The following TPRG1 variants were observed in gnomAD, a reference collection of about 807,000 sequenced individuals.
TPRG1 encodes tumor protein p63 regulated 1.
A neutral mutation model predicts 29.3 loss-of-function variants in TPRG1; 29 were observed. The ratio of observed to expected loss-of-function variants is 0.99; its 90% CI spans 0.74 to 1.35. The LOEUF is 1.35. Ranked by LOEUF, TPRG1 falls within the 40% of genes most tolerant of loss-of-function variation. The pLI, the probability that TPRG1 is intolerant of heterozygous loss-of-function variation, is 0.00. For synonymous variants in TPRG1, 130 were observed against 116.8 expected (o/e 1.11, Z -0.73); for missense variants, 327 against 335.0 (o/e 0.98, Z 0.19).
intron 5 of TPRG1, among the ~76,000 whole-genome samples, chr3:189,153,552 C>T (rs1470174191): frequency 6.6e-6 from 1 of 151,906 alleles, no homozygotes; most frequent in Non-Finnish European, 1.5e-5. Context: ...GGGGTGGTGT[C>T]ACTCCCCAAG....
chr3:189,063,478 C>T (rs1034346811), intron 4 of TPRG1, among the ~76,000 whole-genome samples: 2 of 151,846 alleles, frequency 1.3e-5, no homozygotes, highest in African/African-American at 4.8e-5. Flanking sequence ...TTCAAGTGCC[C>T]ATTTAACATT....
intron 4 of TPRG1, among the ~76,000 whole-genome samples, chr3:189,027,891 A>G (rs1044048555): frequency 5.3e-5 from 8 of 152,120 alleles, no homozygotes; most frequent in African/African-American, 1.9e-4. Flanking sequence ...ATGTGAAGGA[A>G]AAACTTATTA....
upstream of TPRG1, among the ~76,000 whole-genome samples, chr3:189,098,588 T>A (rs889240015): frequency 3.3e-5 from 5 of 152,132 alleles, no homozygotes; most frequent in Admixed American, 2.0e-4. Context: ...TCAGAGGTTT[T>A]TTTTTCCCAG....
chr3:189,076,923 C>CATATATATATATATATATATATATAT (rs150949911), intron 4 of TPRG1, among the ~76,000 whole-genome samples: 1 of 140,622 alleles, frequency 7.1e-6, no homozygotes, highest in African/African-American at 2.9e-5. Context: ...TATATGTGTA[C>CATATATATATATATATATATATATAT]ATATATATAT....
At chr3:189,179,552 A>G (rs1195324500) in intron 1 of TPRG1, among the ~76,000 whole-genome samples, 1 of 152,200 alleles carries the variant, frequency 6.6e-6, no homozygotes, top group Non-Finnish European at 1.5e-5. Flanking sequence ...TGCACACTAT[A>G]CAGATTATTG....
At chr3:189,301,222 C>T (rs989836351) in intron 4 of TPRG1, among the ~76,000 whole-genome samples, 5 of 145,766 alleles carry the variant, frequency 3.4e-5, no homozygotes, top group African/African-American at 1.3e-4. Context: ...TCACTTGAAC[C>T]TGGGAGGGAG....
intron 1 of TPRG1, among the ~76,000 whole-genome samples, chr3:189,174,524 G>A (rs1222839517): frequency 6.6e-6 from 1 of 152,128 alleles, no homozygotes; most frequent in Non-Finnish European, 1.5e-5. Context: ...TAGGTATTAG[G>A]ATTCCTTTCA....
At chr3:189,096,354 C>G (rs888050451), upstream of TPRG1, among the ~76,000 whole-genome samples, 4 of 152,184 alleles carry the variant, frequency 2.6e-5, no homozygotes, top group African/African-American at 7.2e-5. Context: ...TTCTCTCACC[C>G]CTCTTCTCTC....
At chr3:189,231,021 T>A (rs1043849530) in intron 3 of TPRG1, among the ~76,000 whole-genome samples, 2 of 152,138 alleles carry the variant, frequency 1.3e-5, no homozygotes, top group Non-Finnish European at 2.9e-5. Context: ...CAACTGATAC[T>A]CTCATGAGTT....
chr3:189,049,565 C>T (rs899068100), intron 4 of TPRG1, among the ~76,000 whole-genome samples: 7 of 152,130 alleles, frequency 4.6e-5, no homozygotes. Context: ...CCTATCCACA[C>T]AGGTAGCTGA....
intron 3 of TPRG1, among the ~76,000 whole-genome samples, chr3:189,133,516 A>G (rs1723347200): frequency 6.6e-6 from 1 of 152,138 alleles, no homozygotes; most frequent in African/African-American, 2.4e-5. Flanking sequence ...GTCTTGTGAT[A>G]GTTCTCACAA....
At chr3:189,094,185 T>G (rs1718525513) in intron 4 of TPRG1, among the ~76,000 whole-genome samples, 1 of 151,912 alleles carries the variant, frequency 6.6e-6, no homozygotes, top group South Asian at 2.1e-4. Context: ...GGGAACAGAG[T>G]GCTAAAACAC....
chr3:189,118,476 C>A (rs533410457), intron 1 of TPRG1, among the ~76,000 whole-genome samples: 40 of 152,290 alleles, frequency 2.6e-4, no homozygotes, highest in Admixed American at 1.3e-3. Flanking sequence ...TATTGATCAC[C>A]AAGACAATGG....
At chr3:189,198,944 T>C (rs1460117262) in intron 1 of TPRG1, among the ~76,000 whole-genome samples, 1 of 152,170 alleles carries the variant, frequency 6.6e-6, no homozygotes, top group Non-Finnish European at 1.5e-5. Flanking sequence ...TTCTTCTTTA[T>C]GTATTTTTTG....
In TPRG1 at chr3:189,222,630, G is replaced by T. The variant is rs571476596; in HGVS notation, c.302+7247G>T. Among the ~76,000 whole-genome samples, 39 of 152,230 alleles carry T rather than the reference G, an allele frequency of 2.6e-4. 3 individuals are homozygous for T. In the South Asian group the frequency reaches 8.1e-3, roughly 32 times the overall value. On this transcript the variant is annotated intron_variant, in intron 3 of 5. Coordinates refer to ENST00000345063, the MANE Select transcript of TPRG1 (RefSeq NM_198485.4). Reference sequence around the variant, plus strand: ...ACAGGATCCCCAGTTGATTCCTTATGCACATTAAAATTTGAGAAGTATACT... The same window carrying T: ...ACAGGATCCCCAGTTGATTCCTTATTCACATTAAAATTTGAGAAGTATACT...
At chr3:189,027,133 A>G (rs1271317077) in intron 4 of TPRG1, among the ~76,000 whole-genome samples, 1 of 152,176 alleles carries the variant, frequency 6.6e-6, no homozygotes, top group Admixed American at 6.5e-5. Flanking sequence ...GCACTAGAGA[A>G]AAATTCCAAA....
chr3:189,031,712 C>T (rs1406106933), intron 4 of TPRG1, among the ~76,000 whole-genome samples: 1 of 152,106 alleles, frequency 6.6e-6, no homozygotes, highest in Non-Finnish European at 1.5e-5. Flanking sequence ...GTGATTCACT[C>T]TGTGGAGGAG....
intron 1 of TPRG1, among the ~76,000 whole-genome samples, chr3:189,107,986 CTT>C (rs1410569798): frequency 6.6e-6 from 1 of 152,090 alleles, no homozygotes; most frequent in East Asian, 1.9e-4. Context: ...TAAACCAACT[CTT>C]TGAATTCCCT....
chr3:189,021,804 C>T (rs1175703803), intron 3 of TPRG1, among the ~76,000 whole-genome samples: 1 of 152,144 alleles, frequency 6.6e-6, no homozygotes, highest in Non-Finnish European at 1.5e-5. Context: ...GGAAGTTCTC[C>T]TGGATAATAT....
Sources: allele counts gnomAD v4.1 joint callset (sites outside exome capture counted in the v4.1 genomes callset), GRCh38; gene constraint gnomAD v4.1.1; transcripts MANE v1.5; gene names NCBI Gene and HGNC (gene_info 2026-07-23, HGNC 2026-07-21).